LRRC7: variants seen among roughly 807,000 people sequenced by gnomAD.
LRRC7 encodes the protein leucine-rich repeat-containing protein 7.
Under a neutral mutation model 175.7 loss-of-function variants are expected in LRRC7, and 23 were observed. That is an observed-to-expected ratio of 0.13 (90% CI 0.09 to 0.19). LRRC7 has a LOEUF of 0.19. Among genes scored for constraint, LRRC7 ranks in the 10% least tolerant of loss-of-function variants. The pLI, the probability that LRRC7 is intolerant of heterozygous loss-of-function variation, is 1.00. For missense variants in LRRC7, 1,354 were observed against 1,904.7 expected, an observed-to-expected ratio of 0.71 and a Z score of 5.38; for synonymous variants, 685 against 680.9, an observed-to-expected ratio of 1.01 and a Z score of -0.09.
intron 7 of LRRC7, among the ~76,000 whole-genome samples, chr1:69,847,992 A>G (rs1682563939): frequency 6.6e-6 from 1 of 152,062 alleles, no homozygotes; most frequent in South Asian, 2.1e-4. Flanking sequence ...GCTACATCCA[A>G]TATACAATGC....
intron 1 of LRRC7, among the ~76,000 whole-genome samples, chr1:69,629,929 C>T (rs1164622897): frequency 6.6e-6 from 1 of 152,088 alleles, no homozygotes; most frequent in Non-Finnish European, 1.5e-5. Flanking sequence ...TAGTTTTCTT[C>T]TTAAATCACA....
intron 1 of LRRC7, among the ~76,000 whole-genome samples, chr1:69,671,774 T>G (rs931701368): frequency 1.3e-5 from 2 of 152,178 alleles, no homozygotes; most frequent in Non-Finnish European, 2.9e-5. Context: ...TGCTTTCTGC[T>G]ATGACAGGGG....
At chr1:69,700,493 T>C (rs1008575205) in intron 2 of LRRC7, among the ~76,000 whole-genome samples, 3 of 152,226 alleles carry the variant, frequency 2.0e-5, no homozygotes, top group African/African-American at 4.8e-5. Flanking sequence ...TCTACTGGCC[T>C]AGCAGAATCC....
chr1:69,691,009 A>G (rs563144764), intron 2 of LRRC7, among the ~76,000 whole-genome samples: 1 of 152,310 alleles, frequency 6.6e-6, no homozygotes, highest in South Asian at 2.1e-4. Flanking sequence ...GACCTGAAAG[A>G]ATATCTCAAA....
At chr1:69,821,930 C>T (rs1679344914) in intron 4 of LRRC7, among the ~76,000 whole-genome samples, 1 of 151,940 alleles carries the variant, frequency 6.6e-6, no homozygotes, top group Non-Finnish European at 1.5e-5. Flanking sequence ...GTGTCATATT[C>T]CCTTGTTTTG....
At chr1:69,762,766 A>C (rs1671174309) in intron 3 of LRRC7, among the ~76,000 whole-genome samples, 1 of 152,096 alleles carries the variant, frequency 6.6e-6, no homozygotes, top group East Asian at 1.9e-4. Flanking sequence ...CTGTTTGGTT[A>C]GTTAAAATAA....
intron 26 of LRRC7, among the ~76,000 whole-genome samples, chr1:70,109,544 AATCT>A (rs575614610): frequency 1.8e-4 from 27 of 152,304 alleles, no homozygotes; most frequent in Non-Finnish European, 3.4e-4. Context: ...CACATATAAT[AATCT>A]AAAATTTTCC....
Position 69,938,127 on chromosome 1 carries a change from T to C in LRRC7, c.711+6557T>C, listed in dbSNP as rs145940830. ...TTATTCTATGTGAAAAAGAAAACAA[T>C]ATTTAATTTTTTAAACACAGTGTAA... On this transcript the variant is annotated intron_variant, in intron 8 of 26. Coordinates refer to ENST00000651989, the MANE Select transcript of LRRC7 (RefSeq NM_001370785.2). 3.3e-3 allele frequency among the ~76,000 whole-genome samples: 498 copies of C among 152,118 alleles called. 1 individual carries two copies. The highest frequency in any genetic ancestry group is 0.011 in the African/African-American group (449 of 41,560).
chr1:69,935,105 G>A lies in LRRC7; in HGVS notation c.711+3535G>A, dbSNP rs549329187. Among the ~76,000 whole-genome samples the A allele has an allele frequency of 4.6e-5, 7 of 152,290 alleles. No homozygotes were observed. In the South Asian group the frequency reaches 1.5e-3, roughly 32 times the overall value. On this transcript the variant is annotated intron_variant, in intron 8 of 26. Transcript: ENST00000651989. Reference sequence around the variant, plus strand: ...CGGGAATTCAAAGAAAGCAGCATGGGTAGGGACCCACTGACCCACAGTGGC... The same window carrying A: ...CGGGAATTCAAAGAAAGCAGCATGGATAGGGACCCACTGACCCACAGTGGC...
chr1:69,689,425 C>T (rs1331472575), intron 2 of LRRC7, among the ~76,000 whole-genome samples: 1 of 149,020 alleles, frequency 6.7e-6, no homozygotes, highest in African/African-American at 2.5e-5. Flanking sequence ...CTCTGGAATT[C>T]ATCTTCTGCT....
At chr1:69,653,251 C>A (rs780847764) in intron 1 of LRRC7, among the ~76,000 whole-genome samples, 5 of 149,942 alleles carry the variant, frequency 3.3e-5, no homozygotes, top group Non-Finnish European at 5.9e-5. Context: ...AACAAAATAA[C>A]CCAATTTAAA....
intron 2 of LRRC7, among the ~76,000 whole-genome samples, chr1:69,685,700 C>A (rs114294834): frequency 0.013 from 2,034 of 151,812 alleles, 44 homozygotes; most frequent in African/African-American, 0.047. Flanking sequence ...ATACACTAAA[C>A]AAAAATGAAC....
intron 3 of LRRC7, among the ~76,000 whole-genome samples, chr1:69,771,053 A>G (rs1188270006): frequency 6.6e-6 from 1 of 152,200 alleles, no homozygotes; most frequent in Admixed American, 6.5e-5. Context: ...ATAAAACTAC[A>G]TCCAGGACAA....
At chr1:69,612,185 A>G (rs1486434043) in intron 1 of LRRC7, among the ~76,000 whole-genome samples, 1 of 152,086 alleles carries the variant, frequency 6.6e-6, no homozygotes, top group East Asian at 1.9e-4. Context: ...AAATTAAAAT[A>G]ATATACCAAA....
intron 10 of LRRC7, among the ~76,000 whole-genome samples, chr1:69,993,135 C>T (rs1654604414): frequency 6.6e-6 from 1 of 152,154 alleles, no homozygotes; most frequent in Non-Finnish European, 1.5e-5. Context: ...AACATATGCT[C>T]TGGAGAAGCT....
At chr1:69,607,969 T>C (rs1264637597) in intron 1 of LRRC7, 2 of 152,354 alleles carry the variant, frequency 1.3e-5, no homozygotes, top group Non-Finnish European at 2.9e-5. Flanking sequence ...CAAAGGGACA[T>C]ATTTCCTGGT....
intron 1 of LRRC7, among the ~76,000 whole-genome samples, chr1:69,610,124 T>C (rs961062859): frequency 1.6e-4 from 24 of 152,004 alleles, no homozygotes; most frequent in African/African-American, 5.6e-4. Context: ...AGAACCAAAC[T>C]CTATAATGGG....
At chr1:69,779,975 C>G (rs891608621) in intron 3 of LRRC7, among the ~76,000 whole-genome samples, 1 of 152,212 alleles carries the variant, frequency 6.6e-6, no homozygotes, top group Non-Finnish European at 1.5e-5. Context: ...TGCCCAAGCA[C>G]TGCTGGCACC....
At position 69,676,101 on chromosome 1, in the gene LRRC7, CT is replaced by C. The variant is rs34408751; in HGVS notation, c.3-2273del. Among the ~76,000 whole-genome samples, 9 of 151,626 alleles carry C rather than the reference CT, an allele frequency of 5.9e-5. No homozygotes were observed. In the South Asian group the frequency reaches 1.0e-3, roughly 18 times the overall value. Reference sequence around the variant, plus strand: ...GATTTCAGAAAGTATATTTGGAAGACTTTTTTTAAGCCCCAATGATAAGTTC... The same window carrying C: ...GATTTCAGAAAGTATATTTGGAAGACTTTTTTAAGCCCCAATGATAAGTTC... On this transcript the variant is annotated intron_variant, in intron 1 of 26. Coordinates refer to ENST00000651989, the MANE Select transcript of LRRC7 (RefSeq NM_001370785.2).
Sources: allele counts gnomAD v4.1 joint callset (sites outside exome capture counted in the v4.1 genomes callset), GRCh38; gene constraint gnomAD v4.1.1; transcripts MANE v1.5; gene names NCBI Gene and HGNC (gene_info 2026-07-23, HGNC 2026-07-21).